SRC: variants seen among roughly 807,000 people sequenced by gnomAD.
The protein encoded by SRC is SRC proto-oncogene, non-receptor tyrosine kinase.
A neutral mutation model predicts 62.9 loss-of-function variants in SRC; 13 were observed. That is an observed-to-expected ratio of 0.21 (90% CI 0.13 to 0.33). The LOEUF (loss-of-function observed/expected upper bound fraction) is 0.33, where lower values mean the gene tolerates loss of function less well. Ranked by LOEUF, SRC falls within the 10% of genes least tolerant of loss-of-function variation. SRC has a pLI of 1.00. For missense variants in SRC, 457 were observed against 737.3 expected, an observed-to-expected ratio of 0.62 and a Z score of 4.40; for synonymous variants, 302 against 317.5, an observed-to-expected ratio of 0.95 and a Z score of 0.52.
At chr20:37,364,547 A>G (rs1342199645) in intron 1 of SRC, among the ~76,000 whole-genome samples, 1 of 152,020 alleles carries the variant, frequency 6.6e-6, no homozygotes, top group Non-Finnish European at 1.5e-5. Flanking sequence ...GGTCTAGGGG[A>G]CAAGGAGAGG....
At chr20:37,383,493 T>C (rs969573096) in intron 3 of SRC, among the ~76,000 whole-genome samples, 1 of 152,046 alleles carries the variant, frequency 6.6e-6, no homozygotes, top group Non-Finnish European at 1.5e-5. Context: ...GCCCGGGACA[T>C]AGGCGTGGCT....
rs542419738 is a variant in SRC, at chr20:37,384,993, C to T, written c.250+590C>T. Among the ~76,000 whole-genome samples, 2 of 152,302 alleles carry T rather than the reference C, an allele frequency of 1.3e-5. No homozygotes were observed. The highest frequency in any genetic ancestry group is 4.1e-4 in the South Asian group (2 of 4,832). On this transcript the variant is annotated intron_variant, in intron 4 of 13. Transcript: ENST00000373578. This position sits in a 1 kb window ranked among gnomAD's most constrained non-coding sequence, Gnocchi z 6.7. ...ACTCTCCCCACAGGCACACGCTGGG[C>T]CACACACACGGCTACACCCCCGCCA...
chr20:37,364,364 G>T (rs912166117), intron 1 of SRC, among the ~76,000 whole-genome samples: 1 of 152,156 alleles, frequency 6.6e-6, no homozygotes, highest in Admixed American at 6.5e-5. Context: ...CACTGAGCTC[G>T]TAAGCATGGT....
intron 2 of SRC, among the ~76,000 whole-genome samples, chr20:37,380,287 TG>T (rs1202999996): frequency 6.6e-6 from 1 of 151,982 alleles, no homozygotes; most frequent in Non-Finnish European, 1.5e-5. Context: ...GGGTAGGAGG[TG>T]GGGCCTGTGA....
chr20:37,368,546 T>TG (rs2070108849), intron 2 of SRC, among the ~76,000 whole-genome samples: 1 of 84,242 alleles, frequency 1.2e-5, no homozygotes, highest in Non-Finnish European at 2.2e-5. Flanking sequence ...TTTTTTTTGT[T>TG]TTTTTTTTTT....
At chr20:37,367,602 G>A (rs116104165) in intron 2 of SRC, among the ~76,000 whole-genome samples, 2,317 of 151,758 alleles carry the variant, frequency 0.015, 56 homozygotes, top group African/African-American at 0.053. Flanking sequence ...AGCCTCCCAA[G>A]TACCTAGGAC....
intron 2 of SRC, among the ~76,000 whole-genome samples, chr20:37,378,163 T>C (rs961786987): frequency 4.9e-5 from 7 of 143,448 alleles, no homozygotes; most frequent in Non-Finnish European, 7.7e-5. Context: ...TTTCTTCTCT[T>C]TTTTTTTTTT....
rs761133358 is a variant in SRC, at chr20:37,384,387, G to A, written c.234G>A (p.Arg78=). Residue 78 remains arginine, a synonymous_variant, in exon 4 of 14, where the codon AGG becomes AGA. Coordinates refer to ENST00000373578, the MANE Select transcript of SRC (RefSeq NM_198291.3). The surrounding 1 kb of genome is among the most constrained non-coding windows in gnomAD (Gnocchi z 6.7). Reference sequence around the variant, plus strand: ...CGGACACCGTCACCTCCCCGCAGAGGGCGGGCCCGCTGGCCGGTCAGTGCG... The same window carrying A: ...CGGACACCGTCACCTCCCCGCAGAGAGCGGGCCCGCTGGCCGGTCAGTGCG... ...NSSDTVTSPQ[R]AGPLAGGVTT... The A allele has an allele frequency of 4.9e-6, 7 of 1,433,216 alleles. No homozygotes were observed. Among genetic ancestry groups the A allele is most frequent in the South Asian group, 4.1e-5 (3 of 72,430 alleles). The allele number at this position is 1,433,216 out of a possible 1,614,324, so 88.8% of individuals were successfully genotyped here. A position where few individuals can be genotyped will look rare whatever the true frequency, so the allele number is the denominator to read the frequency against.
In SRC at chr20:37,402,779, C is replaced by T; in HGVS notation, c.1301C>T (p.Pro434Leu). 6.2e-7 allele frequency: 1 copy of T among 1,613,580 alleles called. No homozygotes were observed. Among genetic ancestry groups the T allele is most frequent in the Non-Finnish European group, 8.5e-7 (1 of 1,179,742 alleles). ...GAKFPIKWTAPEAALYGRFTI... is the reference protein window; with the variant it reads ...GAKFPIKWTALEAALYGRFTI... The stretch of plus-strand genomic sequence containing the variant: ...AAATTCCCCATCAAGTGGACGGCTC[C>T]AGAAGCTGCCCTCTATGGCCGCTTC... The change falls in exon 13 of 14, where the codon CCA becomes CTA. Residue 434 changes from proline (P) to leucine (L), a missense_variant. This residue lies in a region of SRC where 168 missense variants were observed against 357.8 expected (regional missense o/e 0.47). Transcript: ENST00000373578. The surrounding 1 kb of genome is among the most constrained non-coding windows in gnomAD (Gnocchi z 6.2).
In SRC at chr20:37,403,156, T is replaced by C. The variant is rs1293319387; in HGVS notation, c.1403-15T>C. On this transcript the variant is annotated splice_polypyrimidine_tract_variant and intron_variant, in intron 13 of 13. Coordinates refer to ENST00000373578, the MANE Select transcript of SRC (RefSeq NM_198291.3). This position sits in a 1 kb window ranked among gnomAD's most constrained non-coding sequence, Gnocchi z 7.1. Reference sequence around the variant, plus strand: ...TCACCGGAGCCGGGCTCCCCATGCCTCGCTCTGCCCACAGGGATGGTGAAC... The same window carrying C: ...TCACCGGAGCCGGGCTCCCCATGCCCCGCTCTGCCCACAGGGATGGTGAAC... 2 of 1,523,350 alleles carry C rather than the reference T, an allele frequency of 1.3e-6. No individual in the cohort carries two copies. The highest frequency in any genetic ancestry group is 2.8e-5 in the African/African-American group (2 of 72,678). 94.4% of individuals were successfully genotyped at this position (1,523,350 alleles called of 1,614,324 possible).
At chr20:37,386,904 A>G (rs1421473703) in intron 5 of SRC, among the ~76,000 whole-genome samples, 1 of 152,264 alleles carries the variant, frequency 6.6e-6, no homozygotes, top group Non-Finnish European at 1.5e-5. Flanking sequence ...GGGCGAGCCC[A>G]GAGTCGGCTC....
intron 5 of SRC, among the ~76,000 whole-genome samples, chr20:37,390,607 T>C (rs1319784921): frequency 2.0e-5 from 3 of 152,120 alleles, no homozygotes; most frequent in Non-Finnish European, 4.4e-5. Flanking sequence ...GGTTTCGCCA[T>C]GTTGCTGGGC....
intron 1 of SRC, among the ~76,000 whole-genome samples, chr20:37,360,733 C>G (rs528134906): frequency 2.3e-4 from 35 of 152,324 alleles, no homozygotes; most frequent in African/African-American, 8.4e-4. Flanking sequence ...AGAATAGCTG[C>G]TCCTACTCTT....
Position 37,384,502 on chromosome 20 carries a change from T to A in SRC, c.250+99T>A. 1 of 1,063,590 alleles carries A rather than the reference T, an allele frequency of 9.4e-7. No homozygotes were observed. The allele number at this position is 1,063,590 out of a possible 1,614,324, so 65.9% of individuals were successfully genotyped here. A position where few individuals can be genotyped will look rare whatever the true frequency, so the allele number is the denominator to read the frequency against. ...GGGTCGCCCCCTCTGCGCAGGCCCT[T>A]CCTCTCGCCAGGGGTAGCGCCCCTG... On this transcript the variant is annotated intron_variant, in intron 4 of 13. Transcript: ENST00000373578. This position sits in a 1 kb window ranked among gnomAD's most constrained non-coding sequence, Gnocchi z 6.7.
chr20:37,365,575 C>T (rs533935188), intron 2 of SRC, among the ~76,000 whole-genome samples: 1 of 152,096 alleles, frequency 6.6e-6, no homozygotes, highest in Non-Finnish European at 1.5e-5. Flanking sequence ...CTCAATATTA[C>T]ATATTTGCAA....
intron 2 of SRC, among the ~76,000 whole-genome samples, chr20:37,379,046 G>A (rs1407856126): frequency 6.6e-6 from 1 of 152,060 alleles, no homozygotes; most frequent in African/African-American, 2.4e-5. Flanking sequence ...TTAGCGGGAG[G>A]TACTAGGCCA....
intron 1 of SRC, among the ~76,000 whole-genome samples, chr20:37,361,013 G>T (rs1159649133): frequency 6.6e-6 from 1 of 152,114 alleles, no homozygotes; most frequent in Non-Finnish European, 1.5e-5. Context: ...CCAGAAAAGG[G>T]TGGCGGTCCC....
chr20:37,381,436 G>A (rs1357700757), intron 2 of SRC, among the ~76,000 whole-genome samples: 1 of 152,126 alleles, frequency 6.6e-6, no homozygotes, highest in African/African-American at 2.4e-5. Flanking sequence ...ATTACCTCCA[G>A]TGACAGGGAG....
rs1401272299 is a variant in SRC, at chr20:37,405,288, G to T, written c.*1909G>T. ...CAGATGACTATGCAGAGGCCTGGGGGACCCCTGGCTCTGGGCCGGGCCTGG... is the reference window on the plus strand; with the variant it reads ...CAGATGACTATGCAGAGGCCTGGGGTACCCCTGGCTCTGGGCCGGGCCTGG... On this transcript the variant is annotated 3_prime_UTR_variant, in exon 14 of 14. Transcript: ENST00000373578. The T allele has an allele frequency of 9.8e-6, 2 of 203,078 alleles. No homozygotes were observed. Among genetic ancestry groups the T allele is most frequent in the Non-Finnish European group, 2.0e-5 (2 of 102,326 alleles). 12.6% of individuals were successfully genotyped at this position (203,078 alleles called of 1,614,324 possible). A position where few individuals can be genotyped will look rare whatever the true frequency, so the allele number is the denominator to read the frequency against.
Sources: allele counts gnomAD v4.1 joint callset (sites outside exome capture counted in the v4.1 genomes callset), GRCh38; gene constraint gnomAD v4.1.1; regional missense constraint gnomAD v4.1.1; non-coding constraint Gnocchi (gnomAD v3.1); transcripts MANE v1.5; gene names NCBI Gene and HGNC (gene_info 2026-07-23, HGNC 2026-07-21).